Variants in IGSF11 observed in about 807,000 individuals in gnomAD.
The protein encoded by IGSF11 is immunoglobulin superfamily member 11, also known as CXADR like 1.
IGSF11 carries 22 observed loss-of-function variants against 41.0 expected under a neutral mutation model. The observed-to-expected ratio is 0.54, with a 90% CI of 0.38 to 0.77. The LOEUF (loss-of-function observed/expected upper bound fraction) is 0.77. IGSF11 is among the 30% of genes least tolerant of loss of function. IGSF11 has a pLI of 0.00. For missense variants in IGSF11, 444 were observed against 530.8 expected (o/e 0.84, Z 1.61); for synonymous variants, 219 against 201.3 (o/e 1.09, Z -0.74).
chr3:119,048,182 C>T (rs547380366), intron 1 of IGSF11, among the ~76,000 whole-genome samples: 2 of 152,248 alleles, frequency 1.3e-5, no homozygotes, highest in Admixed American at 6.5e-5. Flanking sequence ...ACACACAAAA[C>T]GCTTCAAAAA....
intron 1 of IGSF11, among the ~76,000 whole-genome samples, chr3:119,087,403 TACAC>T (rs1349971935): frequency 3.5e-5 from 4 of 113,758 alleles, no homozygotes; most frequent in Admixed American, 1.8e-4. Context: ...CACACACACA[TACAC>T]ACACACACAC....
At chr3:119,089,926 G>A (rs1433124327) in intron 1 of IGSF11, among the ~76,000 whole-genome samples, 1 of 152,202 alleles carries the variant, frequency 6.6e-6, no homozygotes, top group Non-Finnish European at 1.5e-5. Flanking sequence ...TCAGGAGGCT[G>A]AGGCAGGAGA....
chr3:119,014,835 G>A (rs191629280), intron 1 of IGSF11, among the ~76,000 whole-genome samples: 266 of 152,222 alleles, frequency 1.7e-3, no homozygotes, highest in African/African-American at 5.9e-3. Context: ...AATTTCACAA[G>A]GAAGCCACTG....
At chr3:119,121,985 G>A (rs762131101) in intron 1 of IGSF11, among the ~76,000 whole-genome samples, 6 of 152,200 alleles carry the variant, frequency 3.9e-5, no homozygotes, top group Non-Finnish European at 7.3e-5. Context: ...ATGAAGAAGC[G>A]AGGTGAAGCA....
intron 1 of IGSF11, among the ~76,000 whole-genome samples, chr3:118,972,860 G>A (rs912431741): frequency 6.6e-6 from 1 of 152,080 alleles, no homozygotes; most frequent in Admixed American, 6.5e-5. Flanking sequence ...AGTAACACTG[G>A]GATAAAGCAT....
At position 118,956,462 on chromosome 3, in the gene IGSF11, T is replaced by A. The variant is rs1944963406; in HGVS notation, c.53-26187A>T. On this transcript the variant is annotated intron_variant, in intron 1 of 6. Coordinates refer to ENST00000393775, the MANE Select transcript of IGSF11 (RefSeq NM_001015887.3). Reference sequence around the variant, plus strand: ...TTTAAAGCAAGAGATGTGTAGCTCTTCCCTTTCACTTGAATACTTTGAGGC... The same window carrying A: ...TTTAAAGCAAGAGATGTGTAGCTCTACCCTTTCACTTGAATACTTTGAGGC... Among the ~76,000 whole-genome samples, 7 of 152,196 alleles carry A rather than the reference T, an allele frequency of 4.6e-5. No individual in the cohort carries two copies. The South Asian group carries it at 1.4e-3, about 32-fold the overall frequency.
At position 119,130,972 on chromosome 3, in the gene IGSF11, A is replaced by G. The variant is rs2077473722; in HGVS notation, c.-14+14841T>C. On this transcript the variant is annotated intron_variant, in intron 1 of 7. Transcript: ENST00000425327. ...CCTGCAGCTGAGGGATCTGACTGTT[A>G]AAAGGAAAACAAAGAGAAAGGAATA... Among the ~76,000 whole-genome samples, 5 of 152,238 alleles carry G rather than the reference A, an allele frequency of 3.3e-5. No individual in the cohort carries two copies. In the South Asian group the frequency reaches 1.0e-3, roughly 32 times the overall value.
intron 1 of IGSF11, among the ~76,000 whole-genome samples, chr3:118,964,414 A>G (rs1945536965): frequency 6.6e-6 from 1 of 152,156 alleles, no homozygotes; most frequent in Non-Finnish European, 1.5e-5. Flanking sequence ...AAAAGGGGTC[A>G]GGACAGAAGA....
intron 4 of IGSF11, among the ~76,000 whole-genome samples, chr3:118,906,359 G>A (rs1248254375): frequency 6.6e-6 from 1 of 152,136 alleles, no homozygotes; most frequent in African/African-American, 2.4e-5. Context: ...AAGCAAGGAA[G>A]ATTGGGTAGG....
rs1423135576 is a variant in IGSF11 at position 119,034,309 on chromosome 3, A to C, written c.52+222T>G. Among the ~76,000 whole-genome samples, 4 of 152,246 alleles carry C rather than the reference A, an allele frequency of 2.6e-5. No individual in the cohort carries two copies. In the South Asian group the frequency reaches 6.2e-4, roughly 24 times the overall value. On this transcript the variant is annotated intron_variant, in intron 1 of 6. Transcript: ENST00000393775. ...GGACCGGAGGTAGCCGGACGAGTTT[A>C]GTTACCTCTCTGACAAGGAACACCT... is the stretch of plus-strand genomic sequence containing the variant.
At chr3:119,022,219 C>A (rs1939361154) in intron 1 of IGSF11, among the ~76,000 whole-genome samples, 1 of 152,044 alleles carries the variant, frequency 6.6e-6, no homozygotes, top group African/African-American at 2.4e-5. Flanking sequence ...TATGAGGTAT[C>A]TGGAATAGGT....
chr3:118,911,180 T>A (rs1024005942), intron 4 of IGSF11, among the ~76,000 whole-genome samples: 5 of 152,062 alleles, frequency 3.3e-5, no homozygotes, highest in Non-Finnish European at 5.9e-5. Context: ...AATACAGTTA[T>A]AACTGTTGAC....
chr3:118,958,888 G>A (rs528575933), intron 1 of IGSF11, among the ~76,000 whole-genome samples: 147 of 152,264 alleles, frequency 9.7e-4, no homozygotes, highest in Non-Finnish European at 1.6e-3. Context: ...GTTAGGAACC[G>A]TGGAGAATAC....
At chr3:118,939,213 T>C (rs558334143) in intron 1 of IGSF11, among the ~76,000 whole-genome samples, 1 of 152,148 alleles carries the variant, frequency 6.6e-6, no homozygotes, top group South Asian at 2.1e-4. Flanking sequence ...ATTAAAGTTA[T>C]ACAAAGAACA....
upstream of IGSF11, chr3:119,105,268 T>C: frequency 1.1e-6 from 1 of 946,290 alleles, no homozygotes; most frequent in Non-Finnish European, 1.6e-6. Context: ...ATGTATTTCA[T>C]TTTTTAAAAT....
chr3:118,967,131 G>A (rs1945739534), intron 1 of IGSF11, among the ~76,000 whole-genome samples: 1 of 151,994 alleles, frequency 6.6e-6, no homozygotes, highest in African/African-American at 2.4e-5. Flanking sequence ...ATATGGGGAT[G>A]CTAAATAAAC....
chr3:119,048,808 T>C (rs1941485528), intron 1 of IGSF11, among the ~76,000 whole-genome samples: 1 of 151,992 alleles, frequency 6.6e-6, no homozygotes, highest in South Asian at 2.1e-4. Context: ...CATGATCAAG[T>C]GGGCTTCATC....
intron 1 of IGSF11, among the ~76,000 whole-genome samples, chr3:119,066,110 C>G (rs370753642): frequency 2.6e-5 from 4 of 152,090 alleles, no homozygotes; most frequent in African/African-American, 9.7e-5. Flanking sequence ...CTTTTCATAA[C>G]TAATGCAAGT....
chr3:118,953,723 C>G (rs1944755145), intron 1 of IGSF11, among the ~76,000 whole-genome samples: 1 of 152,002 alleles, frequency 6.6e-6, no homozygotes, highest in Admixed American at 6.6e-5. Context: ...TGTCCCATGG[C>G]CTTAGCCCAC....
Sources: gnomAD v4.1 joint callset for allele counts (sites outside exome capture counted in the v4.1 genomes callset) on GRCh38, gnomAD v4.1.1 for gene constraint, MANE v1.5 for transcripts, NCBI Gene and HGNC (gene_info 2026-07-23, HGNC 2026-07-21) for gene names.